The following WNT5A variants were observed in gnomAD, a reference collection of about 807,000 sequenced individuals.
The protein encoded by WNT5A is protein Wnt-5a.
In WNT5A, 9 loss-of-function variants were observed where a neutral mutation model predicts 42.1. The ratio of observed to expected loss-of-function variants is 0.21; its 90% CI spans 0.13 to 0.37. The LOEUF (loss-of-function observed/expected upper bound fraction) is 0.37. Among genes scored for constraint, WNT5A ranks in the 10% least tolerant of loss-of-function variants. The pLI, the probability that WNT5A is intolerant of heterozygous loss-of-function variation, is 1.00. For missense variants in WNT5A, 426 were observed against 534.0 expected, an observed-to-expected ratio of 0.80 and a Z score of 1.99; for synonymous variants, 210 against 210.0, an observed-to-expected ratio of 1.00 and a Z score of 0.00.
At chr3:55,504,908 T>C in the WNT5A span, among the ~76,000 whole-genome samples, 2 of 152,200 alleles carry the variant, frequency 1.3e-5, no homozygotes, top group African/African-American at 4.8e-5. Context: ...ACCCTATATA[T>C]TAATTTTGTC....
chr3:55,501,862 T>C, the WNT5A span: 1 of 152,236 alleles, frequency 6.6e-6, no homozygotes, highest in Non-Finnish European at 1.5e-5. Context: ...CTGAAGCAAA[T>C]TTTTATTCCT....
chr3:55,492,627 G>A (rs538279149), upstream of WNT5A, among the ~76,000 whole-genome samples: 3 of 152,256 alleles, frequency 2.0e-5, no homozygotes, highest in South Asian at 4.2e-4. Context: ...TAGGATCACC[G>A]GCCATGCCTA....
At chr3:55,471,342 C>T (rs960194413) in intron 4 of WNT5A, among the ~76,000 whole-genome samples, 5 of 152,092 alleles carry the variant, frequency 3.3e-5, no homozygotes, top group Admixed American at 1.3e-4. Context: ...CCACACAGTC[C>T]CTACCCCATC....
chr3:55,505,046 A>C, the WNT5A span, among the ~76,000 whole-genome samples: 1 of 152,266 alleles, frequency 6.6e-6, no homozygotes, highest in East Asian at 1.9e-4. Flanking sequence ...AAGAGCTTTT[A>C]TTCTCAAATC....
chr3:55,486,770 C>T (rs955322124), intron 1 of WNT5A, among the ~76,000 whole-genome samples: 3 of 152,210 alleles, frequency 2.0e-5, no homozygotes, highest in Non-Finnish European at 4.4e-5. Context: ...ACGGGTGGTG[C>T]GACCAGAAGT....
chr3:55,480,373 C>G (rs1360065463), intron 2 of WNT5A, among the ~76,000 whole-genome samples: 3 of 152,212 alleles, frequency 2.0e-5, no homozygotes, highest in Admixed American at 6.5e-5. Flanking sequence ...AATTCAAACT[C>G]TGTAGGTTAA....
upstream of WNT5A, among the ~76,000 whole-genome samples, chr3:55,491,836 G>A (rs1384994072): frequency 6.6e-6 from 1 of 152,222 alleles, no homozygotes; most frequent in African/African-American, 2.4e-5. Context: ...TCACCTCAGA[G>A]TCAAGACCAG....
At position 55,473,690 on chromosome 3, in the gene WNT5A, T is replaced by TA. The variant is rs551968450; in HGVS notation, c.684+646dup. ...TCCTTTTCCTAGAAAAGCCCTTTTT[T>TA]AAAAAAACCCTCCATCCATCAGGCC... On this transcript the variant is annotated intron_variant, in intron 4 of 4. Coordinates refer to ENST00000264634, the MANE Select transcript of WNT5A (RefSeq NM_003392.7). 7.2e-5 allele frequency among the ~76,000 whole-genome samples: 11 copies of TA among 152,104 alleles called. No individual in the cohort carries two copies. In the South Asian group the frequency reaches 1.2e-3, roughly 17 times the overall value.
upstream of WNT5A, among the ~76,000 whole-genome samples, chr3:55,489,493 C>T (rs1190181220): frequency 1.3e-5 from 2 of 152,072 alleles, no homozygotes; most frequent in Non-Finnish European, 2.9e-5. Flanking sequence ...CCGTTCCACC[C>T]TCCACAGCCC....
In WNT5A at chr3:55,474,522, C is replaced by T. The variant is rs1182266890; in HGVS notation, c.499G>A (p.Ala167Thr). ...CGCGGCAGGTCCTTGGGGCGCGCGG[C>T]GCGGCTGCAGCCGCAGGTGGACAGC... ...GELSTCGCSR[A>T]ARPKDLPRDW... Residue 167 changes from alanine (A) to threonine (T), a missense_variant, in exon 4 of 5, where the codon GCC becomes ACC. Physicochemically the swap from Ala to Thr is moderately conservative, Grantham distance 58. Coordinates refer to ENST00000264634, the MANE Select transcript of WNT5A (RefSeq NM_003392.7). 3 of 1,557,752 alleles carry T rather than the reference C, an allele frequency of 1.9e-6. No individual in the cohort carries two copies. In the African/African-American group the frequency reaches 4.1e-5, roughly 21 times the overall value.
intron 1 of WNT5A, among the ~76,000 whole-genome samples, chr3:55,485,855 T>C (rs944957844): frequency 8.5e-5 from 13 of 152,156 alleles, no homozygotes; most frequent in African/African-American, 2.4e-4. Flanking sequence ...TTTTTTGTTG[T>C]TGTTTTTTTT....
rs1328382369 is a variant in WNT5A at position 55,468,959 on chromosome 3, T to C, written c.*1133A>G. On this transcript the variant is annotated 3_prime_UTR_variant, in exon 5 of 5. Coordinates refer to ENST00000264634, the MANE Select transcript of WNT5A (RefSeq NM_003392.7). ...TGAACTGTTTTCCAAGCAGAGCTCC[T>C]AATGTTTCATTTCCTGTCCTACAAC... 8 of 152,310 alleles carry C rather than the reference T, an allele frequency of 5.3e-5. No homozygotes were observed. In the East Asian group the frequency reaches 1.5e-3, roughly 29 times the overall value. 9.4% of individuals were successfully genotyped at this position (152,310 alleles called of 1,614,324 possible).
intron 1 of WNT5A, chr3:55,481,167 T>C (rs1007821847): frequency 1.5e-6 from 1 of 663,832 alleles, no homozygotes; most frequent in African/African-American, 1.9e-5. Flanking sequence ...ATTACAAACG[T>C]GTCTCAATTC....
chr3:55,487,010 G>T lies in WNT5A; in HGVS notation c.-25C>A. On this transcript the variant is annotated 5_prime_UTR_variant, in exon 1 of 5. Coordinates refer to ENST00000264634, the MANE Select transcript of WNT5A (RefSeq NM_003392.7). ...TGGCGAGGGGGAGGGGGCGCGGGGA[G>T]GAAGTCGCCACCCGAGCGAGCGCAG... is the stretch of plus-strand genomic sequence containing the variant. The T allele has an allele frequency of 1.2e-6, 2 of 1,610,548 alleles. No homozygotes were observed. Among genetic ancestry groups the T allele is most frequent in the Non-Finnish European group, 8.5e-7 (1 of 1,178,470 alleles).
rs2051414784 is a variant in WNT5A at position 55,479,415 on chromosome 3, G to A, written c.290C>T (p.Ala97Val). 10 of 1,613,954 alleles carry A rather than the reference G, an allele frequency of 6.2e-6. No homozygotes were observed. Among genetic ancestry groups the A allele is most frequent in the Middle Eastern group, 1.7e-4 (1 of 6,056 alleles). Reference sequence around the variant, plus strand: ...CTGGCATTCTTTGATGCCTGTCTTCGCGCCTTCTCCGATGTACTGCATGTG... The same window carrying A: ...CTGGCATTCTTTGATGCCTGTCTTCACGCCTTCTCCGATGTACTGCATGTG... ...QDHMQYIGEG[A>V]KTGIKECQYQ... Residue 97 changes from alanine to valine, a missense_variant, in exon 3 of 5, where the codon GCG becomes GTG. Ala to Val is a moderately conservative substitution (Grantham distance 64). Coordinates refer to ENST00000264634, the MANE Select transcript of WNT5A (RefSeq NM_003392.7).
chr3:55,497,849 G>T, the WNT5A span, among the ~76,000 whole-genome samples: 1 of 152,120 alleles, frequency 6.6e-6, no homozygotes, highest in Non-Finnish European at 1.5e-5. Flanking sequence ...AAGAGAGGTG[G>T]GAAGGATGGA....
At chr3:55,485,514 C>G (rs183693660) in intron 1 of WNT5A, among the ~76,000 whole-genome samples, 4 of 152,120 alleles carry the variant, frequency 2.6e-5, no homozygotes, top group African/African-American at 9.7e-5. Context: ...CGCACACACA[C>G]GCAGCCAAGG....
Position 55,470,037 on chromosome 3 carries a change from A to G in WNT5A, c.*55T>C, listed in dbSNP as rs2051215949. 5 of 1,606,356 alleles carry G rather than the reference A, an allele frequency of 3.1e-6. No homozygotes were observed. The highest frequency in any genetic ancestry group is 4.5e-5 in the East Asian group (2 of 44,820). On this transcript the variant is annotated 3_prime_UTR_variant, in exon 5 of 5. Transcript: ENST00000264634. The stretch of plus-strand genomic sequence containing the variant: ...AAAAACCAAAAACCAGAATCACTGT[A>G]CTTTCTATAAATAAGCGGGTCCTGG...
rs1019663917 is a variant in WNT5A, at chr3:55,471,532, G to A, written c.685-982C>T. On this transcript the variant is annotated intron_variant, in intron 4 of 4. Transcript: ENST00000264634. ...CTGTTATAAGGATAAAATTAGGGGA[G>A]ATGTGGAAAGTGCTTGGCACTTAAG... Among the ~76,000 whole-genome samples, 6 of 152,272 alleles carry A rather than the reference G, an allele frequency of 3.9e-5. No individual in the cohort carries two copies. The South Asian group carries it at 1.2e-3, about 31-fold the overall frequency.
Sources: allele counts gnomAD v4.1 joint callset (sites outside exome capture counted in the v4.1 genomes callset), GRCh38; gene constraint gnomAD v4.1.1; transcripts MANE v1.5; gene names NCBI Gene and HGNC (gene_info 2026-07-23, HGNC 2026-07-21).